The following SLC7A9 variants were observed in gnomAD, a reference collection of about 807,000 sequenced individuals.
The protein encoded by SLC7A9 is solute carrier family 7 member 9.
In SLC7A9, 38 loss-of-function variants were observed where a neutral mutation model predicts 54.1. The ratio of observed to expected loss-of-function variants is 0.70; its 90% CI spans 0.54 to 0.92. SLC7A9 has a LOEUF of 0.92. Ranked by LOEUF, SLC7A9 falls within the 40% of genes least tolerant of loss-of-function variation. The probability of loss-of-function intolerance (pLI) is 0.00; values close to 1 mark genes in which losing one functional copy is unlikely to be tolerated. For missense variants in SLC7A9, 537 were observed against 636.1 expected (o/e 0.84, Z 1.68); for synonymous variants, 264 against 258.9 (o/e 1.02, Z -0.19).
intron 9 of SLC7A9, among the ~76,000 whole-genome samples, chr19:32,857,063 T>C (rs1296506432): frequency 1.3e-5 from 2 of 150,042 alleles, no homozygotes; most frequent in African/African-American, 4.9e-5. Flanking sequence ...AGGCAGAAAA[T>C]TGCTTGAACT....
At chr19:32,837,805 A>AT (rs1458319144) in intron 11 of SLC7A9, among the ~76,000 whole-genome samples, 1 of 152,194 alleles carries the variant, frequency 6.6e-6, no homozygotes, top group Non-Finnish European at 1.5e-5. Context: ...TTTATCACAC[A>AT]TTTTGTCAAA....
chr19:32,860,501 C>A lies in SLC7A9; in HGVS notation c.749+105G>T. On this transcript the variant is annotated intron_variant, in intron 7 of 12. Coordinates refer to ENST00000023064, the MANE Select transcript of SLC7A9 (RefSeq NM_014270.5). Reference sequence around the variant, plus strand: ...AAAAAAAAAAGAAATAATTCACTGTCGGGAAGGGCATCATGGAATACCCAG... The same window carrying A: ...AAAAAAAAAAGAAATAATTCACTGTAGGGAAGGGCATCATGGAATACCCAG... The A allele has an allele frequency of 1.9e-6, 3 of 1,583,750 alleles. No homozygotes were observed. The Admixed American group carries it at 5.6e-5, about 30-fold the overall frequency.
At chr19:32,836,033 C>T (rs573694283) in intron 11 of SLC7A9, among the ~76,000 whole-genome samples, 1 of 152,178 alleles carries the variant, frequency 6.6e-6, no homozygotes, top group East Asian at 1.9e-4. Flanking sequence ...TCAGCCTCAG[C>T]CTCCCGAGTA....
intron 12 of SLC7A9, among the ~76,000 whole-genome samples, chr19:32,832,373 G>T (rs1967823656): frequency 6.6e-6 from 1 of 151,960 alleles, no homozygotes; most frequent in Non-Finnish European, 1.5e-5. Flanking sequence ...GATCACCTAA[G>T]GTCAGGAGTT....
chr19:32,845,531 G>C (rs533402958), intron 9 of SLC7A9, among the ~76,000 whole-genome samples: 1 of 152,146 alleles, frequency 6.6e-6, no homozygotes, highest in African/African-American at 2.4e-5. Context: ...AAAAAACCCA[G>C]GAGCCCTTGA....
chr19:32,855,432 G>A (rs896826543), intron 9 of SLC7A9, among the ~76,000 whole-genome samples: 5 of 152,334 alleles, frequency 3.3e-5, no homozygotes, highest in East Asian at 1.9e-4. Flanking sequence ...GGGCGCGGTG[G>A]CTCACGCCTG....
intron 10 of SLC7A9, among the ~76,000 whole-genome samples, chr19:32,843,031 G>C (rs1968173334): frequency 6.6e-6 from 1 of 152,080 alleles, no homozygotes; most frequent in South Asian, 2.1e-4. Flanking sequence ...CAGAATGATA[G>C]AGAGTAGTGG....
chr19:32,869,613 C>T (rs1300693676), intron 1 of SLC7A9, 73 bp downstream of exon 1: 1 of 152,190 alleles, frequency 6.6e-6, no homozygotes, highest in Non-Finnish European at 1.5e-5. Context: ...TACCCTCTCT[C>T]TAAATAAATT....
At position 32,862,107 on chromosome 19, in the gene SLC7A9, G is replaced by C; in HGVS notation, c.704+11C>G. ...CCACCCCCAGACTCGGGACATCTCAGGACACCTCACCATCCATCATAGGCC... is the reference window on the plus strand; with the variant it reads ...CCACCCCCAGACTCGGGACATCTCACGACACCTCACCATCCATCATAGGCC... On this transcript the variant is annotated intron_variant, in intron 6 of 12. Transcript: ENST00000023064. The C allele has an allele frequency of 6.3e-7, 1 of 1,586,756 alleles. No homozygotes were observed. The highest frequency in any genetic ancestry group is 8.7e-7 in the Non-Finnish European group (1 of 1,155,598).
intron 8 of SLC7A9, among the ~76,000 whole-genome samples, chr19:32,858,990 C>T (rs1454709444): frequency 1.3e-5 from 2 of 151,898 alleles, no homozygotes; most frequent in Non-Finnish European, 2.9e-5. Flanking sequence ...GATTTCACCA[C>T]GTTGGCCAGG....
intron 9 of SLC7A9, among the ~76,000 whole-genome samples, chr19:32,854,982 G>A (rs896168302): frequency 6.6e-6 from 1 of 152,156 alleles, no homozygotes; most frequent in African/African-American, 2.4e-5. Flanking sequence ...AAATCCACAT[G>A]TCAGGTGTCT....
In SLC7A9 at chr19:32,865,958, C is replaced by CAA. The variant is rs34667172; in HGVS notation, c.88-1184_88-1183dup. Among the ~76,000 whole-genome samples, 368 of 119,370 alleles carry CAA rather than the reference C, an allele frequency of 3.1e-3. 12 individuals are homozygous for CAA. Among genetic ancestry groups the CAA allele is most frequent in the African/African-American group, 9.3e-3 (310 of 33,400 alleles). The allele number at this position is 119,370 out of a possible 152,430, so 78.3% of individuals were successfully genotyped here. ...AGCCTGGGTGACAGTGAGACTGTCT[C>CAA]AAAAAAAAAAAAAAAAACCTGCACA... is the stretch of plus-strand genomic sequence containing the variant. On this transcript the variant is annotated intron_variant, in intron 2 of 12. Coordinates refer to ENST00000023064, the MANE Select transcript of SLC7A9 (RefSeq NM_014270.5).
intron 9 of SLC7A9, among the ~76,000 whole-genome samples, chr19:32,846,656 C>A (rs1165956850): frequency 1.3e-5 from 2 of 152,238 alleles, no homozygotes. Context: ...TATCTGACAG[C>A]TTTGAAGAGA....
intron 11 of SLC7A9, among the ~76,000 whole-genome samples, chr19:32,839,540 G>C (rs1184410228): frequency 7.3e-6 from 1 of 137,848 alleles, no homozygotes; most frequent in Non-Finnish European, 1.5e-5. Context: ...ATGACAGAGT[G>C]ACACTCCGTC....
rs71176160 is a variant in SLC7A9, at chr19:32,858,768, C to CTTTATTTATTTA, written c.874-237_874-226dup. ...TTATCTACTACTCCCTGGCATAAAT[C>CTTTATTTATTTA]TTTATTTATTTATTTATTTATTTAT... On this transcript the variant is annotated intron_variant, in intron 8 of 12. Coordinates refer to ENST00000023064, the MANE Select transcript of SLC7A9 (RefSeq NM_014270.5). 0.039 allele frequency among the ~76,000 whole-genome samples: 5,860 copies of CTTTATTTATTTA among 148,562 alleles called. 195 individuals are homozygous for CTTTATTTATTTA. Among genetic ancestry groups the CTTTATTTATTTA allele is most frequent in the African/African-American group, 0.077 (3,119 of 40,364 alleles).
intron 2 of SLC7A9, among the ~76,000 whole-genome samples, chr19:32,865,561 G>A (rs150854424): frequency 4.5e-4 from 69 of 152,344 alleles, no homozygotes; most frequent in African/African-American, 1.6e-3. Context: ...TCAAGAACAG[G>A]TGAAACTAAT....
At chr19:32,841,102 T>A in intron 11 of SLC7A9, among the ~76,000 whole-genome samples, 1 of 152,142 alleles carries the variant, frequency 6.6e-6, no homozygotes, top group East Asian at 1.9e-4. Flanking sequence ...GACTTGTCCA[T>A]AGTCAAGACA....
Position 32,842,316 on chromosome 19 carries a change from C to T in SLC7A9, c.1076G>A (p.Gly359Asp). 6.2e-7 allele frequency: 1 copy of T among 1,613,094 alleles called. No homozygotes were observed. The highest frequency in any genetic ancestry group is 1.1e-5 in the South Asian group (1 of 91,070). ...LTPAPAIIFY[G>D]IIATIYIIPG... is the part of the protein sequence containing the mutation. ...GATGATATAAATCGTTGCTATGATA[C>T]CCTAATAGAAAGAAGAATGGATTTG... The change falls in exon 11 of 13, where the codon GGT becomes GAT. Residue 359 changes from glycine to aspartate, a missense_variant and splice_region_variant. Transcript: ENST00000023064.
chr19:32,838,575 T>C lies in SLC7A9; in HGVS notation c.1224+3593A>G, dbSNP rs953662086. On this transcript the variant is annotated intron_variant, in intron 11 of 12. Transcript: ENST00000023064. The stretch of plus-strand genomic sequence containing the variant: ...GTTATATATTATGTATATATACATA[T>C]CATGTGTATATAAAAACGTATATTA... 1.4e-3 allele frequency among the ~76,000 whole-genome samples: 209 copies of C among 147,914 alleles called. 1 individual carries two copies. The highest frequency in any genetic ancestry group is 4.9e-3 in the African/African-American group (200 of 40,658).
Sources: gnomAD v4.1 joint callset for allele counts (sites outside exome capture counted in the v4.1 genomes callset) on GRCh38, gnomAD v4.1.1 for gene constraint, MANE v1.5 for transcripts, NCBI Gene and HGNC (gene_info 2026-07-23, HGNC 2026-07-21) for gene names.